Variants in SP100 observed in about 807,000 individuals in gnomAD.
SP100 encodes the protein nuclear autoantigen Sp-100.
Under a neutral mutation model 130.0 loss-of-function variants are expected in SP100, and 84 were observed. The observed-to-expected ratio is 0.65, with a 90% CI of 0.54 to 0.77. SP100 has a LOEUF of 0.77. Among genes scored for constraint, SP100 ranks in the 30% least tolerant of loss-of-function variants. The pLI is 0.00. For missense variants in SP100, 978 were observed against 1,052.2 expected, an observed-to-expected ratio of 0.93 and a Z score of 0.97; for synonymous variants, 331 against 351.7, an observed-to-expected ratio of 0.94 and a Z score of 0.66.
intron 18 of SP100, among the ~76,000 whole-genome samples, 200 bp from the exon 19 acceptor site, chr2:230,498,261 G>A (rs1184309738): frequency 1.3e-5 from 2 of 152,062 alleles, no homozygotes; most frequent in African/African-American, 2.4e-5. Context: ...TTGGATTAAT[G>A]TCACGGGAAA....
chr2:230,484,574 A>G (rs1417082002), intron 17 of SP100, among the ~76,000 whole-genome samples: 2 of 152,114 alleles, frequency 1.3e-5, no homozygotes, highest in South Asian at 2.1e-4. Flanking sequence ...GAACTTTTAC[A>G]TTTATTTCCT....
chr2:230,467,169 C>T lies in SP100; in HGVS notation c.1245C>T (p.Pro415=), dbSNP rs138047298. The T allele has an allele frequency of 4.4e-5, 71 of 1,613,758 alleles. No homozygotes were observed. Among genetic ancestry groups the T allele is most frequent in the African/African-American group, 5.3e-5 (4 of 74,908 alleles). ...CAGAATCCAGTGAGGAGGAGGCGCCCGCAGAAGCCTCGAGCGGGGCACTGA... is the reference window on the plus strand; with the variant it reads ...CAGAATCCAGTGAGGAGGAGGCGCCTGCAGAAGCCTCGAGCGGGGCACTGA... ...DFSESSEEEA[P]AEASSGALRS... The change falls in exon 13 of 29, where the codon CCC becomes CCT. Residue 415 remains proline (P), a synonymous_variant. Transcript: ENST00000340126.
intron 25 of SP100, 133 bp from the exon 26 acceptor site, chr2:230,540,743 G>T: frequency 8.8e-7 from 1 of 1,139,194 alleles, no homozygotes; most frequent in Non-Finnish European, 1.2e-6. Flanking sequence ...CTCTAGTGCA[G>T]AGGCCTCCAA....
At chr2:230,494,195 C>T (rs577965183) in intron 17 of SP100, among the ~76,000 whole-genome samples, 2 of 152,064 alleles carry the variant, frequency 1.3e-5, no homozygotes, top group Admixed American at 6.6e-5. Context: ...TGGATATGTA[C>T]AAGCATAGTG....
At chr2:230,449,842 G>A (rs2063886281) in intron 7 of SP100, 132 bp downstream of exon 7, 2 of 944,568 alleles carry the variant, frequency 2.1e-6, no homozygotes, top group East Asian at 2.4e-5. Flanking sequence ...GACACAGAGG[G>A]GGCCTGTTAT....
intron 24 of SP100, 36 bp from the exon 25 acceptor site, chr2:230,539,231 C>T (rs1167391790): frequency 7.4e-7 from 1 of 1,359,330 alleles, no homozygotes; most frequent in East Asian, 2.3e-5. Context: ...CCAAGGGTCT[C>T]ACTGATCCCG....
At chr2:230,425,311 C>T (rs181212269) in intron 2 of SP100, among the ~76,000 whole-genome samples, 42 of 151,922 alleles carry the variant, frequency 2.8e-4, no homozygotes, top group African/African-American at 9.9e-4. Context: ...CCTCCGACTT[C>T]CAAGCTTTTG....
At position 230,539,379 on chromosome 2, in the gene SP100, A is replaced by T; in HGVS notation, c.2207A>T (p.Asn736Ile). 6.2e-7 allele frequency: 1 copy of T among 1,609,480 alleles called. No homozygotes were observed. Among genetic ancestry groups the T allele is most frequent in the Non-Finnish European group, 8.5e-7 (1 of 1,175,840 alleles). Residue 736 changes from asparagine to isoleucine, a missense_variant, in exon 25 of 29, where the codon AAC (asparagine) becomes ATC (isoleucine). Transcript: ENST00000340126. Reference sequence around the variant, plus strand: ...TGCCACATCCCATCCGTGGAAGCTAACAAGTGAGTAAGACATGTCCCCTTC... The same window carrying T: ...TGCCACATCCCATCCGTGGAAGCTATCAAGTGAGTAAGACATGTCCCCTTC... Reference protein sequence around the residue: ...EHCHIPSVEANKNPWSCIFCR... With the variant: ...EHCHIPSVEAIKNPWSCIFCR...
intron 24 of SP100, among the ~76,000 whole-genome samples, chr2:230,536,051 T>G (rs1271996065): frequency 6.6e-6 from 1 of 151,942 alleles, no homozygotes; most frequent in Non-Finnish European, 1.5e-5. Flanking sequence ...ATAGCCTACA[T>G]GGACAATGGT....
chr2:230,435,742 CAA>C (rs990915776), intron 2 of SP100, among the ~76,000 whole-genome samples: 1 of 152,118 alleles, frequency 6.6e-6, no homozygotes, highest in African/African-American at 2.4e-5. Context: ...CTGAAACACC[CAA>C]GTGTGCATTG....
chr2:230,508,192 G>T (rs1690267111), intron 23 of SP100, 161 bp downstream of exon 23: 1 of 1,193,598 alleles, frequency 8.4e-7, no homozygotes, highest in African/African-American at 1.6e-5. Context: ...CAATGTATAA[G>T]TCCAGGGCTC....
At chr2:230,448,109 C>G (rs557021796) in intron 5 of SP100, among the ~76,000 whole-genome samples, 1 of 152,060 alleles carries the variant, frequency 6.6e-6, no homozygotes, top group Non-Finnish European at 1.5e-5. Context: ...TCTTATATCA[C>G]GGGAGAAACT....
At chr2:230,518,127 C>T (rs1691012394) in intron 24 of SP100, among the ~76,000 whole-genome samples, 1 of 151,848 alleles carries the variant, frequency 6.6e-6, no homozygotes, top group Non-Finnish European at 1.5e-5. Context: ...ACTTTTTTCT[C>T]ATGCAAAATT....
intron 2 of SP100, among the ~76,000 whole-genome samples, chr2:230,433,480 C>A (rs2063155473): frequency 6.6e-6 from 1 of 152,032 alleles, no homozygotes; most frequent in Non-Finnish European, 1.5e-5. Flanking sequence ...ATTCTGGGTT[C>A]TTTGCAATTC....
chr2:230,443,851 C>T (rs1369948780), intron 3 of SP100, among the ~76,000 whole-genome samples: 1 of 152,216 alleles, frequency 6.6e-6, no homozygotes, highest in East Asian at 1.9e-4. Context: ...AAAACAGCCA[C>T]TCATCAATTG....
chr2:230,469,681 A>C, intron 14 of SP100: 2 of 1,022,064 alleles, frequency 2.0e-6, no homozygotes, highest in Non-Finnish European at 2.6e-6. Flanking sequence ...ATACATTTGC[A>C]TTCATTGGTC....
chr2:230,424,483 A>G (rs2062861737), intron 2 of SP100, among the ~76,000 whole-genome samples: 1 of 152,136 alleles, frequency 6.6e-6, no homozygotes, highest in Non-Finnish European at 1.5e-5. Flanking sequence ...CCTGGCCAAC[A>G]TGGTGAAACC....
intron 2 of SP100, among the ~76,000 whole-genome samples, chr2:230,419,471 T>G (rs758301754): frequency 1.1e-4 from 16 of 152,170 alleles, no homozygotes; most frequent in Non-Finnish European, 2.1e-4. Flanking sequence ...CTTATTTTAG[T>G]CAATAATGGC....
chr2:230,449,796 G>A (rs774381169), intron 7 of SP100, 86 bp downstream of exon 7: 1 of 1,371,434 alleles, frequency 7.3e-7, no homozygotes, highest in East Asian at 2.3e-5. Context: ...ACAATACAAG[G>A]AGACACCTGT....
Sources: allele counts gnomAD v4.1 joint callset (sites outside exome capture counted in the v4.1 genomes callset), GRCh38; gene constraint gnomAD v4.1.1; transcripts MANE v1.5; gene names NCBI Gene and HGNC (gene_info 2026-07-23, HGNC 2026-07-21).